The following TULP4 variants were observed in gnomAD, a reference collection of about 807,000 sequenced individuals.
The protein encoded by TULP4 is tubby-related protein 4.
TULP4 carries 16 observed loss-of-function variants against 129.0 expected under a neutral mutation model. The ratio of observed to expected loss-of-function variants is 0.12; its 90% CI spans 0.08 to 0.19. The LOEUF (loss-of-function observed/expected upper bound fraction) is 0.19. Ranked by LOEUF, TULP4 falls within the 10% of genes least tolerant of loss-of-function variation. The probability of loss-of-function intolerance (pLI) is 1.00; values close to 1 mark genes in which losing one functional copy is unlikely to be tolerated. For missense variants in TULP4, 1,842 were observed against 2,059.1 expected (o/e 0.89, Z 2.04); for synonymous variants, 998 against 854.0 (o/e 1.17, Z -2.94).
chr6:158,251,577 T>C (rs544584685), intron 1 of TULP4, among the ~76,000 whole-genome samples: 1 of 152,342 alleles, frequency 6.6e-6, no homozygotes, highest in East Asian at 1.9e-4. Flanking sequence ...CTGAGATAGA[T>C]TGGCTCTAAT....
At chr6:158,451,962 C>T (rs1057386848) in intron 4 of TULP4, among the ~76,000 whole-genome samples, 172 bp from the exon 5 acceptor site, 3 of 152,202 alleles carry the variant, frequency 2.0e-5, no homozygotes, top group East Asian at 1.9e-4. Flanking sequence ...ACTGATGGCC[C>T]TTGTGTAGTT....
chr6:158,331,786 C>CGTGTATATAT (rs1779899730), intron 1 of TULP4, among the ~76,000 whole-genome samples: 1 of 78,204 alleles, frequency 1.3e-5, no homozygotes, highest in Non-Finnish European at 2.7e-5. Context: ...TATACACACA[C>CGTGTATATAT]ACATACCTAC....
chr6:158,449,010 G>C lies in TULP4; in HGVS notation c.558G>C (p.Thr186=), dbSNP rs143823834. The C allele has an allele frequency of 1.9e-6, 3 of 1,610,978 alleles. No homozygotes were observed. The South Asian group carries it at 3.3e-5, about 18-fold the overall frequency. The change falls in exon 4 of 14, where the codon ACG becomes ACC. Residue 186 remains threonine (T), a synonymous_variant. Coordinates refer to ENST00000367097, the MANE Select transcript of TULP4 (RefSeq NM_020245.5). ...CTGGATTGCAGGTGCTGTTTGGCACGGCCGATGGGCAGGTGATTGTCATGG... is the reference window on the plus strand; with the variant it reads ...CTGGATTGCAGGTGCTGTTTGGCACCGCCGATGGGCAGGTGATTGTCATGG... The part of the protein sequence containing the change: ...TPDDQQVLFG[T]ADGQVIVMDC...
At chr6:158,253,901 G>T (rs544095066) in intron 1 of TULP4, among the ~76,000 whole-genome samples, 125 of 152,148 alleles carry the variant, frequency 8.2e-4, no homozygotes, top group African/African-American at 2.8e-3. Context: ...AGCTGGGCTT[G>T]GTGGCAGGCA....
intron 1 of TULP4, among the ~76,000 whole-genome samples, chr6:158,245,107 C>T (rs9457224): frequency 0.17 from 26,124 of 151,676 alleles, 2,681 homozygotes; most frequent in Middle Eastern, 0.24. Flanking sequence ...CCTCCCTTAG[C>T]CTTCTGAGTA....
At chr6:158,346,710 A>G (rs974913085) in intron 1 of TULP4, among the ~76,000 whole-genome samples, 9 of 152,178 alleles carry the variant, frequency 5.9e-5, no homozygotes, top group Admixed American at 2.0e-4. Context: ...TTAATGATTT[A>G]AGACTGGTGT....
At chr6:158,373,407 C>T (rs930324472) in intron 1 of TULP4, among the ~76,000 whole-genome samples, 10 of 152,226 alleles carry the variant, frequency 6.6e-5, no homozygotes, top group South Asian at 2.1e-4. Flanking sequence ...GACAAGCCAC[C>T]GCTTGAAGAA....
At chr6:158,392,944 G>T (rs1305388029) in intron 1 of TULP4, among the ~76,000 whole-genome samples, 1 of 148,722 alleles carries the variant, frequency 6.7e-6, no homozygotes, top group Non-Finnish European at 1.5e-5. Flanking sequence ...AGGATTACAG[G>T]CACTCCAGCC....
chr6:158,503,271 T>C lies in TULP4; in HGVS notation c.3608T>C (p.Val1203Ala), dbSNP rs1331574042. Reference sequence around the variant, plus strand: ...TATAACAACCCCCCTTTGCCTGGAGTGCAGGCTCCCTGCTCTCCCAAAGAT... The same window carrying C: ...TATAACAACCCCCCTTTGCCTGGAGCGCAGGCTCCCTGCTCTCCCAAAGAT... ...GSYNNPPLPG[V>A]QAPCSPKDAL... The change falls in exon 13 of 14, where the codon GTG becomes GCG. Residue 1203 changes from valine (V) to alanine (A), a missense_variant. By Grantham distance (64) the Val-to-Ala change is moderately conservative. This residue lies in a region of TULP4 where 1,089 missense variants were observed against 987.1 expected (regional missense o/e 1.10). Transcript: ENST00000367097. This position sits in a 1 kb window ranked among gnomAD's most constrained non-coding sequence, Gnocchi z 4.3. 8 of 1,613,450 alleles carry C rather than the reference T, an allele frequency of 5.0e-6. No individual in the cohort carries two copies. The highest frequency in any genetic ancestry group is 6.8e-6 in the Non-Finnish European group (8 of 1,179,874).
intron 2 of TULP4, among the ~76,000 whole-genome samples, chr6:158,428,652 T>C (rs1272820899): frequency 6.6e-6 from 1 of 152,040 alleles, no homozygotes; most frequent in East Asian, 1.9e-4. Context: ...TGAGGGGGTA[T>C]TGTTAGCAAG....
chr6:158,454,006 A>G (rs189661062), intron 5 of TULP4, among the ~76,000 whole-genome samples: 5,339 of 127,128 alleles, frequency 0.042, 191 homozygotes, highest in South Asian at 0.071. Context: ...CAAGAATCAT[A>G]CCTGCCTCTG....
intron 2 of TULP4, among the ~76,000 whole-genome samples, chr6:158,415,380 C>G (rs1347954395): frequency 2.9e-5 from 4 of 139,740 alleles, no homozygotes; most frequent in Non-Finnish European, 6.1e-5. Context: ...GACGGAGTCA[C>G]GCTCTGTCGC....
At chr6:158,277,454 T>C (rs564595107), upstream of TULP4, among the ~76,000 whole-genome samples, 3 of 152,290 alleles carry the variant, frequency 2.0e-5, no homozygotes, top group South Asian at 6.2e-4. Context: ...TGACATTACT[T>C]CTCTAGAAAT....
chr6:158,412,251 C>G (rs1394748774), intron 1 of TULP4, among the ~76,000 whole-genome samples: 1 of 152,142 alleles, frequency 6.6e-6, no homozygotes, highest in Non-Finnish European at 1.5e-5. Flanking sequence ...TCAGGAACAG[C>G]CTCAGGGAAC....
chr6:158,238,019 G>A (rs562633693), intron 1 of TULP4: 89 of 708,226 alleles, frequency 1.3e-4, no homozygotes, highest in Admixed American at 3.3e-4. Context: ...GATTTGAGCT[G>A]ATGGTTTTGA....
chr6:158,297,782 G>A (rs897148951), intron 1 of TULP4, among the ~76,000 whole-genome samples: 3 of 152,076 alleles, frequency 2.0e-5, no homozygotes, highest in Admixed American at 1.3e-4. Context: ...TATGTTTAGC[G>A]GTGCACGTAT....
chr6:158,376,269 T>C (rs1181917833), intron 1 of TULP4, among the ~76,000 whole-genome samples: 2 of 152,320 alleles, frequency 1.3e-5, no homozygotes, highest in South Asian at 4.1e-4. Flanking sequence ...CACTTCTGGC[T>C]TAGCATCTGT....
chr6:158,273,761 T>C (rs1778591009), intron 1 of TULP4, among the ~76,000 whole-genome samples: 1 of 152,214 alleles, frequency 6.6e-6, no homozygotes, highest in South Asian at 2.1e-4. Context: ...CTAACAATAG[T>C]ACCATGAGGT....
chr6:158,303,748 A>AT (rs1354852466), intron 1 of TULP4, among the ~76,000 whole-genome samples: 1 of 152,200 alleles, frequency 6.6e-6, no homozygotes, highest in Non-Finnish European at 1.5e-5. Context: ...TGGGAATGCT[A>AT]TTTGCAGGGT....
Sources: gnomAD v4.1 joint callset for allele counts (sites outside exome capture counted in the v4.1 genomes callset) on GRCh38, gnomAD v4.1.1 for gene constraint, gnomAD v4.1.1 regional missense constraint, Gnocchi (gnomAD v3.1) non-coding constraint, MANE v1.5 for transcripts, NCBI Gene and HGNC (gene_info 2026-07-23, HGNC 2026-07-21) for gene names.